The following KIAA1217 variants were observed in gnomAD, a reference collection of about 807,000 sequenced individuals.
The protein encoded by KIAA1217 is sickle tail protein homolog.
In KIAA1217, 88 loss-of-function variants were observed where a neutral mutation model predicts 163.9. The ratio of observed to expected loss-of-function variants is 0.54; its 90% CI spans 0.45 to 0.64. The LOEUF is 0.64. KIAA1217 is among the 30% of genes least tolerant of loss of function. The pLI is 0.00. For missense variants in KIAA1217, 2,372 were observed against 2,475.0 expected, an observed-to-expected ratio of 0.96 and a Z score of 0.88; for synonymous variants, 903 against 923.1, an observed-to-expected ratio of 0.98 and a Z score of 0.39.
chr10:24,145,434 A>G (rs1300991858), intron 2 of KIAA1217, among the ~76,000 whole-genome samples: 1 of 152,262 alleles, frequency 6.6e-6, no homozygotes, highest in African/African-American at 2.4e-5. Context: ...CTAGTCTGGC[A>G]GTTAATTGTT....
intron 1 of KIAA1217, among the ~76,000 whole-genome samples, chr10:23,759,383 A>G (rs1834124289): frequency 6.6e-6 from 1 of 152,124 alleles, no homozygotes. Flanking sequence ...TTCCTTTCCA[A>G]TTTGGATACC....
chr10:24,095,349 A>G (rs1238268113), intron 2 of KIAA1217, among the ~76,000 whole-genome samples: 1 of 152,182 alleles, frequency 6.6e-6, no homozygotes, highest in Non-Finnish European at 1.5e-5. Context: ...GGAGCCGTAG[A>G]CCGGAGCTGT....
chr10:24,439,367 A>AAAAT (rs914126845), intron 5 of KIAA1217, among the ~76,000 whole-genome samples: 1 of 152,190 alleles, frequency 6.6e-6, no homozygotes, highest in Non-Finnish European at 1.5e-5. Context: ...TTTAGCTAGA[A>AAAAT]AAATAAATAA....
chr10:24,231,387 GAAAA>G, intron 2 of KIAA1217, among the ~76,000 whole-genome samples: 1 of 152,308 alleles, frequency 6.6e-6, no homozygotes, highest in East Asian at 1.9e-4. Flanking sequence ...TGAAAACTGA[GAAAA>G]AACCATTTTC....
intron 15 of KIAA1217, among the ~76,000 whole-genome samples, chr10:24,532,570 C>T (rs545092489): frequency 6.6e-6 from 1 of 152,246 alleles, no homozygotes; most frequent in South Asian, 2.1e-4. Flanking sequence ...GGAGGTCTCA[C>T]AATTATGGCA....
chr10:24,169,070 G>A (rs1246525758), intron 2 of KIAA1217, among the ~76,000 whole-genome samples: 1 of 152,228 alleles, frequency 6.6e-6, no homozygotes, highest in Non-Finnish European at 1.5e-5. Flanking sequence ...AATGAGCATA[G>A]TTAACCCTTC....
At chr10:24,172,324 T>A (rs1364215770) in intron 2 of KIAA1217, among the ~76,000 whole-genome samples, 1 of 152,184 alleles carries the variant, frequency 6.6e-6, no homozygotes, top group Non-Finnish European at 1.5e-5. Context: ...CAAGAGGATA[T>A]CTTTCATGTC....
intron 1 of KIAA1217, among the ~76,000 whole-genome samples, chr10:23,815,669 A>T (rs1837283136): frequency 6.6e-6 from 1 of 152,144 alleles, no homozygotes; most frequent in African/African-American, 2.4e-5. Context: ...AAACAAAAAA[A>T]TTTAATAATT....
At chr10:24,383,001 AG>A (rs2053527117) in intron 3 of KIAA1217, among the ~76,000 whole-genome samples, 1 of 151,726 alleles carries the variant, frequency 6.6e-6, no homozygotes. Flanking sequence ...GCACGCACCC[AG>A]GCGCCTGGCT....
intron 2 of KIAA1217, among the ~76,000 whole-genome samples, chr10:24,078,597 T>A (rs1489872808): frequency 1.3e-5 from 2 of 152,222 alleles, no homozygotes; most frequent in Non-Finnish European, 2.9e-5. Flanking sequence ...ACCATTCATC[T>A]TTCTGAACTT....
At chr10:24,501,286 T>G (rs1592451732) in intron 8 of KIAA1217, 93 bp from the exon 9 acceptor site, 1 of 1,200,890 alleles carries the variant, frequency 8.3e-7, no homozygotes, top group East Asian at 2.4e-5. Context: ...ATTAGGCCTT[T>G]TTAGAATTAC....
intron 1 of KIAA1217, among the ~76,000 whole-genome samples, chr10:23,753,161 G>T (rs776492678): frequency 6.6e-6 from 1 of 152,168 alleles, no homozygotes; most frequent in Non-Finnish European, 1.5e-5. Flanking sequence ...TTGACAAATA[G>T]TGGTGCCAAA....
At chr10:23,823,793 G>A (rs1455745008) in intron 1 of KIAA1217, among the ~76,000 whole-genome samples, 1 of 152,082 alleles carries the variant, frequency 6.6e-6, no homozygotes. Flanking sequence ...AGTTGGGATG[G>A]GCCTGATAGA....
intron 3 of KIAA1217, among the ~76,000 whole-genome samples, chr10:24,415,313 C>T (rs2058150287): frequency 6.6e-6 from 1 of 151,846 alleles, no homozygotes; most frequent in South Asian, 2.1e-4. Context: ...CAGGATTTCA[C>T]CTTGTTGGCC....
At chr10:24,155,210 C>T (rs1279991717) in intron 2 of KIAA1217, among the ~76,000 whole-genome samples, 1 of 152,142 alleles carries the variant, frequency 6.6e-6, no homozygotes, top group Non-Finnish European at 1.5e-5. Flanking sequence ...TTAACCTGCT[C>T]CTGCCTCCTT....
chr10:24,187,025 A>G (rs1367207094), intron 2 of KIAA1217, among the ~76,000 whole-genome samples: 1 of 151,774 alleles, frequency 6.6e-6, no homozygotes, highest in Non-Finnish European at 1.5e-5. Context: ...CTTCTGCTCT[A>G]CTCCTCTTCC....
intron 1 of KIAA1217, among the ~76,000 whole-genome samples, chr10:23,719,392 G>A (rs1837741748): frequency 6.6e-6 from 1 of 152,012 alleles, no homozygotes; most frequent in African/African-American, 2.4e-5. Flanking sequence ...ACCAGCCTGG[G>A]CAACATAGCG....
intron 2 of KIAA1217, among the ~76,000 whole-genome samples, chr10:24,326,868 G>A (rs1436492676): frequency 2.6e-5 from 4 of 152,092 alleles, no homozygotes; most frequent in Non-Finnish European, 2.9e-5. Context: ...TTAGGGAAAC[G>A]AATGATATGA....
At chr10:23,867,738 G>T (rs1300753846) in intron 1 of KIAA1217, among the ~76,000 whole-genome samples, 1 of 152,062 alleles carries the variant, frequency 6.6e-6, no homozygotes, top group East Asian at 1.9e-4. Context: ...GTTCATTGTA[G>T]ATTCTGGATA....
Sources: gnomAD v4.1 joint callset for allele counts (sites outside exome capture counted in the v4.1 genomes callset) on GRCh38, gnomAD v4.1.1 for gene constraint, MANE v1.5 for transcripts, NCBI Gene and HGNC (gene_info 2026-07-23, HGNC 2026-07-21) for gene names.